THSD7A: variants seen among roughly 807,000 people sequenced by gnomAD.
THSD7A encodes the protein thrombospondin type-1 domain-containing protein 7A.
Under a neutral mutation model 231.3 loss-of-function variants are expected in THSD7A, and 96 were observed. The ratio of observed to expected loss-of-function variants is 0.41; its 90% CI spans 0.35 to 0.49. The LOEUF is 0.49. THSD7A is among the 20% of genes least tolerant of loss of function. The pLI, the probability that THSD7A is intolerant of heterozygous loss-of-function variation, is 0.05. For synonymous variants in THSD7A, 940 were observed against 743.3 expected (o/e 1.26, Z -4.30); for missense variants, 2,290 against 2,070.2 (o/e 1.11, Z -2.06).
chr7:11,739,510 C>T (rs1393197715), intron 1 of THSD7A, among the ~76,000 whole-genome samples: 1 of 151,898 alleles, frequency 6.6e-6, no homozygotes. Context: ...TATTGATAGC[C>T]AGATGAGTAC....
intron 1 of THSD7A, among the ~76,000 whole-genome samples, chr7:11,697,813 C>T (rs1446330690): frequency 4.6e-5 from 7 of 151,432 alleles, no homozygotes; most frequent in East Asian, 2.0e-4. Flanking sequence ...CTGAATGTCA[C>T]GCAGTTTCCA....
chr7:11,520,235 G>A (rs1788206138), intron 6 of THSD7A: 1 of 152,154 alleles, frequency 6.6e-6, no homozygotes, highest in African/African-American at 2.4e-5. Context: ...CTGTTTGCAA[G>A]CTGCACAATC....
At chr7:11,633,513 G>C (rs1330688558) in intron 2 of THSD7A, among the ~76,000 whole-genome samples, 1 of 152,130 alleles carries the variant, frequency 6.6e-6, no homozygotes, top group African/African-American at 2.4e-5. Flanking sequence ...AGTGTCATTG[G>C]CTTGTCCCCT....
chr7:11,504,262 G>T (rs541946962), intron 6 of THSD7A, among the ~76,000 whole-genome samples: 2 of 152,090 alleles, frequency 1.3e-5, no homozygotes, highest in Non-Finnish European at 2.9e-5. Flanking sequence ...TAAATTATGA[G>T]AACTTATGAA....
At chr7:11,529,243 T>A (rs1788603281) in intron 6 of THSD7A, among the ~76,000 whole-genome samples, 1 of 152,104 alleles carries the variant, frequency 6.6e-6, no homozygotes, top group South Asian at 2.1e-4. Context: ...GGTGAAATAA[T>A]TTTTTTATTA....
intron 1 of THSD7A, among the ~76,000 whole-genome samples, chr7:11,747,487 T>G (rs919986809): frequency 6.6e-6 from 1 of 152,092 alleles, no homozygotes; most frequent in Non-Finnish European, 1.5e-5. Flanking sequence ...GTTATTGGAA[T>G]GTAATTTAGT....
chr7:11,570,254 AC>A (rs1412804320), intron 4 of THSD7A, among the ~76,000 whole-genome samples: 1 of 152,190 alleles, frequency 6.6e-6, no homozygotes, highest in African/African-American at 2.4e-5. Flanking sequence ...GCACAGAAGG[AC>A]AAATAACACA....
In THSD7A at chr7:11,799,765, T is replaced by C. The variant is rs142326362; in HGVS notation, c.190+31992A>G. Among the ~76,000 whole-genome samples the C allele has an allele frequency of 6.3e-3, 965 of 152,274 alleles. 8 individuals carry two copies. The highest frequency in any genetic ancestry group is 0.022 in the African/African-American group (902 of 41,552). On this transcript the variant is annotated intron_variant, in intron 1 of 27. Coordinates refer to ENST00000423059, the MANE Select transcript of THSD7A (RefSeq NM_015204.3). ...GCTTAATGATTATCATACACAAAGCTACACAAAGCTAGATCAAATTGGCAC... is the reference window on the plus strand; with the variant it reads ...GCTTAATGATTATCATACACAAAGCCACACAAAGCTAGATCAAATTGGCAC...
rs138889741 is a variant in THSD7A, at chr7:11,714,145, A to C, written c.191-77184T>G. Among the ~76,000 whole-genome samples the C allele has an allele frequency of 9.2e-5, 14 of 151,364 alleles. No individual in the cohort carries two copies. In the East Asian group the frequency reaches 2.7e-3, roughly 30 times the overall value. On this transcript the variant is annotated intron_variant, in intron 1 of 27. Coordinates refer to ENST00000423059, the MANE Select transcript of THSD7A (RefSeq NM_015204.3). The stretch of plus-strand genomic sequence containing the variant: ...GTTTTCAAGGCACTTGTAGTAAGTG[A>C]TGTAATAATCTTGCAGCATTTAAAC...
intron 1 of THSD7A, among the ~76,000 whole-genome samples, chr7:11,685,857 C>T (rs1780032132): frequency 6.6e-6 from 1 of 151,876 alleles, no homozygotes; most frequent in South Asian, 2.1e-4. Flanking sequence ...CCCAGCAGTC[C>T]CATTACTGAG....
At chr7:11,758,269 T>C (rs1782748082) in intron 1 of THSD7A, among the ~76,000 whole-genome samples, 1 of 152,010 alleles carries the variant, frequency 6.6e-6, no homozygotes, top group South Asian at 2.1e-4. Context: ...TTATGCTCTA[T>C]ATTTGGTAAT....
intron 1 of THSD7A, among the ~76,000 whole-genome samples, chr7:11,819,115 G>A (rs1784794575): frequency 1.3e-5 from 2 of 152,046 alleles, no homozygotes; most frequent in Non-Finnish European, 2.9e-5. Context: ...TGTTAGTAGG[G>A]AACTGCAAAT....
At chr7:11,773,635 A>G (rs1039638400) in intron 1 of THSD7A, among the ~76,000 whole-genome samples, 7 of 152,170 alleles carry the variant, frequency 4.6e-5, no homozygotes, top group African/African-American at 1.4e-4. Context: ...TTGAATACAT[A>G]AGACTTTGAA....
At chr7:11,826,737 A>G (rs962580168) in intron 1 of THSD7A, among the ~76,000 whole-genome samples, 2 of 151,136 alleles carry the variant, frequency 1.3e-5, no homozygotes, top group South Asian at 2.1e-4. Flanking sequence ...GCTTGAATCC[A>G]GGAGGCAATG....
chr7:11,444,144 G>C lies in THSD7A; in HGVS notation c.3064+1917C>G, dbSNP rs138139589. ...AGAATGGTGATCATTAAAAAGTCAGGAAACAACAGATGCTGGCGAGGATGT... is the reference window on the plus strand; with the variant it reads ...AGAATGGTGATCATTAAAAAGTCAGCAAACAACAGATGCTGGCGAGGATGT... On this transcript the variant is annotated intron_variant, in intron 13 of 27. Coordinates refer to ENST00000423059, the MANE Select transcript of THSD7A (RefSeq NM_015204.3). The surrounding 1 kb of genome is among the most constrained non-coding windows in gnomAD (Gnocchi z 4.2). 3.0e-3 allele frequency among the ~76,000 whole-genome samples: 457 copies of C among 152,212 alleles called. 3 individuals are homozygous for C. The highest frequency in any genetic ancestry group is 0.011 in the African/African-American group (446 of 41,550).
At chr7:11,712,309 G>C (rs946851049) in intron 1 of THSD7A, among the ~76,000 whole-genome samples, 1 of 151,018 alleles carries the variant, frequency 6.6e-6, no homozygotes, top group Non-Finnish European at 1.5e-5. Flanking sequence ...ACTATAGGTA[G>C]AGATTATTCA....
intron 1 of THSD7A, among the ~76,000 whole-genome samples, chr7:11,717,825 C>G (rs929113847): frequency 2.0e-5 from 3 of 151,568 alleles, no homozygotes; most frequent in African/African-American, 7.3e-5. Flanking sequence ...ATGTCTTTAA[C>G]TAACACTTTC....
intron 6 of THSD7A, among the ~76,000 whole-genome samples, chr7:11,491,199 C>T (rs761993445): frequency 5.3e-5 from 8 of 151,974 alleles, no homozygotes; most frequent in East Asian, 1.9e-4. Flanking sequence ...GCTAAGGTTG[C>T]GAGGAAATCC....
chr7:11,439,477 G>T (rs1241995366), intron 13 of THSD7A, among the ~76,000 whole-genome samples: 1 of 151,956 alleles, frequency 6.6e-6, no homozygotes, highest in Non-Finnish European at 1.5e-5. Context: ...TCTGTAATCA[G>T]TGATCTTTGC....
Sources: allele counts gnomAD v4.1 joint callset (sites outside exome capture counted in the v4.1 genomes callset), GRCh38; gene constraint gnomAD v4.1.1; non-coding constraint Gnocchi (gnomAD v3.1); transcripts MANE v1.5; gene names NCBI Gene and HGNC (gene_info 2026-07-23, HGNC 2026-07-21).